MPPED1: variants seen among roughly 807,000 people sequenced by gnomAD.
The protein encoded by MPPED1 is metallophosphoesterase domain-containing protein 1.
A neutral mutation model predicts 36.2 loss-of-function variants in MPPED1; 16 were observed. That is an observed-to-expected ratio of 0.44 (90% CI 0.30 to 0.67). The LOEUF is 0.67. Ranked by LOEUF, MPPED1 falls within the 30% of genes least tolerant of loss-of-function variation. The pLI is 0.10. For synonymous variants in MPPED1, 199 were observed against 191.3 expected (o/e 1.04, Z -0.33); for missense variants, 307 against 453.4 (o/e 0.68, Z 2.93).
At chr22:43,450,284 G>A (rs999768840) in intron 3 of MPPED1, among the ~76,000 whole-genome samples, 10 of 152,220 alleles carry the variant, frequency 6.6e-5, no homozygotes, top group Admixed American at 3.9e-4. Flanking sequence ...GCCCCCTCCC[G>A]GTCCTGCCTG....
intron 4 of MPPED1, among the ~76,000 whole-genome samples, chr22:43,495,477 A>T (rs970931445): frequency 7.2e-4 from 11 of 15,340 alleles, no homozygotes; most frequent in East Asian, 2.6e-3. Flanking sequence ...GTGATGGTGG[A>T]GGTGGTGGTG....
At chr22:43,500,335 A>G (rs1017265001) in intron 5 of MPPED1, among the ~76,000 whole-genome samples, 368 of 26,918 alleles carry the variant, frequency 0.014, no homozygotes, top group African/African-American at 0.024. Context: ...GTGGTGGTGG[A>G]GGTGGTGGTG....
chr22:43,495,092 G>A (rs1455017828), intron 4 of MPPED1, among the ~76,000 whole-genome samples: 1 of 152,034 alleles, frequency 6.6e-6, no homozygotes, highest in East Asian at 1.9e-4. Context: ...TTAGATCATA[G>A]CAATGATTGA....
At chr22:43,496,569 AGATGGT>A (rs1408574973) in intron 4 of MPPED1, among the ~76,000 whole-genome samples, 1 of 13,832 alleles carries the variant, frequency 7.2e-5, no homozygotes, top group Non-Finnish European at 1.1e-4. Context: ...GTGGTGGTGG[AGATGGT>A]GGTGGTGGTG....
intron 2 of MPPED1, among the ~76,000 whole-genome samples, chr22:43,432,330 AAG>A (rs1280434550): frequency 1.4e-4 from 11 of 79,058 alleles, no homozygotes; most frequent in African/African-American, 4.5e-4. Flanking sequence ...GGAGGAGAGA[AAG>A]AGGGAAAGAG....
chr22:43,461,502 T>C (rs1371818178), intron 3 of MPPED1, among the ~76,000 whole-genome samples: 2 of 152,250 alleles, frequency 1.3e-5, no homozygotes, highest in African/African-American at 2.4e-5. Flanking sequence ...AGTGTTGTTG[T>C]TGACTTTGTG....
At chr22:43,496,304 GT>G (rs1932352726) in intron 4 of MPPED1, among the ~76,000 whole-genome samples, 1 of 47,842 alleles carries the variant, frequency 2.1e-5, no homozygotes, top group Non-Finnish European at 3.4e-5. Flanking sequence ...GGTGGTGGAG[GT>G]AGTGGTGGCG....
At chr22:43,462,201 C>T (rs910723522) in intron 3 of MPPED1, among the ~76,000 whole-genome samples, 5 of 152,216 alleles carry the variant, frequency 3.3e-5, no homozygotes, top group African/African-American at 1.2e-4. Flanking sequence ...CAGGGTGGCC[C>T]TGGACAGAGT....
intron 3 of MPPED1, among the ~76,000 whole-genome samples, chr22:43,460,253 A>C (rs1207226341): frequency 2.6e-5 from 3 of 115,854 alleles, no homozygotes; most frequent in African/African-American, 1.2e-4. Context: ...AAAAACAAAA[A>C]CAAACCCAAA....
chr22:43,444,282 GTGTGTGTGTGTGTGT>G (rs1930255317), intron 3 of MPPED1, among the ~76,000 whole-genome samples: 10 of 13,622 alleles, frequency 7.3e-4, no homozygotes, highest in Non-Finnish European at 4.5e-3. Flanking sequence ...CCACTGGGGT[GTGTGTGTGTGTGTGT>G]GTGTGTGTGT....
chr22:43,455,633 A>G lies in MPPED1; in HGVS notation c.407-19103A>G, dbSNP rs150655170. On this transcript the variant is annotated intron_variant, in intron 3 of 6. Coordinates refer to ENST00000443721, the MANE Select transcript of MPPED1 (RefSeq NM_001044370.2). ...TAGAGCTATTTTCTGTTTCCGACAT[A>G]CTTTTCAGAGCATTTTTGAATCTGT... Among the ~76,000 whole-genome samples, 534 of 152,300 alleles carry G rather than the reference A, an allele frequency of 3.5e-3. 4 individuals carry two copies. The highest frequency in any genetic ancestry group is 4.4e-3 in the Non-Finnish European group (300 of 68,018).
chr22:43,463,363 GCT>G (rs943295492), intron 3 of MPPED1, among the ~76,000 whole-genome samples: 1 of 126,454 alleles, frequency 7.9e-6, no homozygotes, highest in Non-Finnish European at 1.6e-5. Flanking sequence ...ACAGGATCTT[GCT>G]CTGTCACCCA....
chr22:43,486,990 G>A (rs554354394), intron 4 of MPPED1, among the ~76,000 whole-genome samples: 1 of 152,282 alleles, frequency 6.6e-6, no homozygotes, highest in South Asian at 2.1e-4. Flanking sequence ...GGACTCTGAG[G>A]TGAGGCTCCT....
rs2146928494 is a variant in MPPED1 at position 43,502,358 on chromosome 22, C to CA, written c.749-286_749-285insA. 6.6e-6 allele frequency among the ~76,000 whole-genome samples: 1 copy of CA among 152,324 alleles called. No individual in the cohort carries two copies. The highest frequency in any genetic ancestry group is 2.1e-4 in the South Asian group (1 of 4,830). On this transcript the variant is annotated intron_variant, in intron 5 of 6. Transcript: ENST00000443721. The surrounding 1 kb of genome is among the most constrained non-coding windows in gnomAD (Gnocchi z 5.5). ...ATGGTCTGGGGGGCGCCAGCAGTTACTGAGCACCCCACCCCAAGTGCCTGG... is the reference window on the plus strand; with the variant it reads ...ATGGTCTGGGGGGCGCCAGCAGTTACATGAGCACCCCACCCCAAGTGCCTGG...
chr22:43,505,064 ATAGTGATGATGATGACAT>A (rs1438528432), intron 6 of MPPED1, among the ~76,000 whole-genome samples: 1 of 151,126 alleles, frequency 6.6e-6, no homozygotes, highest in East Asian at 2.0e-4. Flanking sequence ...GTTGATCATG[ATAGTGATGATGATGACAT>A]TAGTGATGAT....
intron 4 of MPPED1, among the ~76,000 whole-genome samples, chr22:43,493,519 C>T (rs983379124): frequency 3.9e-5 from 6 of 152,150 alleles, no homozygotes; most frequent in African/African-American, 9.7e-5. Flanking sequence ...CATGTGGTGG[C>T]GGGAGAGTGG....
rs778715501 is a variant in MPPED1, at chr22:43,498,164, A to G, written c.633-71A>G. The G allele has an allele frequency of 4.0e-3, 4,907 of 1,237,098 alleles. 23 individuals carry two copies. The highest frequency in any genetic ancestry group is 5.1e-3 in the Non-Finnish European group (4,538 of 890,216). The allele number at this position is 1,237,098 out of a possible 1,614,324, so 76.6% of individuals were successfully genotyped here. A position where few individuals can be genotyped will look rare whatever the true frequency, so the allele number is the denominator to read the frequency against. On this transcript the variant is annotated intron_variant, in intron 4 of 6. Transcript: ENST00000443721. ...CCTGAGGGCCCCCTGGCCCGTGGGG[A>G]GCTCCGCATTCCCTCTGACCACCCT...
chr22:43,499,276 TG>T (rs1030647335), intron 5 of MPPED1, among the ~76,000 whole-genome samples: 5 of 130,560 alleles, frequency 3.8e-5, no homozygotes, highest in Non-Finnish European at 8.2e-5. Context: ...GTGATGGTGA[TG>T]GGGGTGGTGA....
intron 5 of MPPED1, among the ~76,000 whole-genome samples, chr22:43,499,533 T>TGATGATGGTGGTGGTGATGGA: frequency 1.0e-5 from 1 of 97,184 alleles, no homozygotes; most frequent in Non-Finnish European, 2.1e-5. Flanking sequence ...GTGATGGAGG[T>TGATGATGGTGGTGGTGATGGA]GGTGGTGATG....
Sources: gnomAD v4.1 joint callset for allele counts (sites outside exome capture counted in the v4.1 genomes callset) on GRCh38, gnomAD v4.1.1 for gene constraint, Gnocchi (gnomAD v3.1) non-coding constraint, MANE v1.5 for transcripts, NCBI Gene and HGNC (gene_info 2026-07-23, HGNC 2026-07-21) for gene names.